Variants in TMEM236 observed in about 807,000 individuals in gnomAD.
TMEM236 encodes the protein transmembrane protein 236, also known as family with sequence similarity 23, member A.
TMEM236 carries 11 observed loss-of-function variants against 14.7 expected under a neutral mutation model. The observed-to-expected ratio is 0.75, with a 90% CI of 0.47 to 1.24. The LOEUF is 1.24. Ranked by LOEUF, TMEM236 falls within the 50% of genes most tolerant of loss-of-function variation. The pLI, the probability that TMEM236 is intolerant of heterozygous loss-of-function variation, is 0.00. For missense variants in TMEM236, 464 were observed against 427.3 expected, an observed-to-expected ratio of 1.09 and a Z score of -0.76; for synonymous variants, 182 against 168.6, an observed-to-expected ratio of 1.08 and a Z score of -0.62.
chr10:17,785,855 C>T (rs1342058219), intron 3 of TMEM236, among the ~76,000 whole-genome samples: 9 of 151,978 alleles, frequency 5.9e-5, no homozygotes, highest in East Asian at 1.9e-4. Flanking sequence ...AGTAAGTGGG[C>T]ATCTACTAGA....
intron 1 of TMEM236, 64 bp from the exon 2 acceptor site, chr10:17,771,245 A>C: frequency 6.7e-7 from 1 of 1,499,390 alleles, no homozygotes; most frequent in Non-Finnish European, 9.3e-7. Context: ...AAAATTAGCA[A>C]AATGTAAGAG....
In TMEM236 at chr10:17,793,346, A is replaced by G. The variant is rs974030874; in HGVS notation, c.473-2575A>G. On this transcript the variant is annotated intron_variant, in intron 3 of 3. Transcript: ENST00000377495. ...ATCATCTCTCAAAAGCCCAAATTATACACTGTGTTCTGAATGTTGACAAAG... is the reference window on the plus strand; with the variant it reads ...ATCATCTCTCAAAAGCCCAAATTATGCACTGTGTTCTGAATGTTGACAAAG... Among the ~76,000 whole-genome samples, 3 of 152,362 alleles carry G rather than the reference A, an allele frequency of 2.0e-5. 1 individual carries two copies. Among genetic ancestry groups the G allele is most frequent in the African/African-American group, 7.2e-5 (3 of 41,586 alleles).
At chr10:17,758,473 AACCTTATG>A (rs1837312772) in intron 1 of TMEM236, among the ~76,000 whole-genome samples, 2 of 152,212 alleles carry the variant, frequency 1.3e-5, no homozygotes, top group Non-Finnish European at 2.9e-5. Flanking sequence ...TTGACCATGA[AACCTTATG>A]TGAGTTATTT....
intron 3 of TMEM236, among the ~76,000 whole-genome samples, chr10:17,788,932 C>T (rs1837878808): frequency 6.6e-6 from 1 of 152,170 alleles, no homozygotes; most frequent in African/African-American, 2.4e-5. Context: ...CAGTTTTGAG[C>T]ACAGGCAGTA....
At position 17,752,236 on chromosome 10, in the gene TMEM236, A is replaced by C; in HGVS notation, c.-60A>C. 1 of 1,613,774 alleles carries C rather than the reference A, an allele frequency of 6.2e-7. No homozygotes were observed. The highest frequency in any genetic ancestry group is 2.2e-5 in the East Asian group (1 of 44,882). On this transcript the variant is annotated 5_prime_UTR_variant, in exon 1 of 4. Coordinates refer to ENST00000377495, the MANE Select transcript of TMEM236 (RefSeq NM_001098844.3). ...ATCCCAGTTCAGTGTCTGTGGGTCCATATGCTGCCCACAGTCAAAGAGGGA... is the reference window on the plus strand; with the variant it reads ...ATCCCAGTTCAGTGTCTGTGGGTCCCTATGCTGCCCACAGTCAAAGAGGGA...
At chr10:17,774,753 G>C (rs969096819) in intron 2 of TMEM236, among the ~76,000 whole-genome samples, 1 of 151,636 alleles carries the variant, frequency 6.6e-6, no homozygotes, top group South Asian at 2.1e-4. Context: ...GCATTGAATA[G>C]TATCATTTTT....
chr10:17,760,138 C>A (rs1287538715), intron 1 of TMEM236, among the ~76,000 whole-genome samples: 14 of 152,248 alleles, frequency 9.2e-5, no homozygotes, highest in African/African-American at 3.1e-4. Context: ...TGGAACTCAC[C>A]TTTCAGCACC....
At chr10:17,787,879 C>T (rs967687147) in intron 3 of TMEM236, among the ~76,000 whole-genome samples, 59 of 152,204 alleles carry the variant, frequency 3.9e-4, no homozygotes, top group African/African-American at 1.3e-3. Flanking sequence ...GGATTGCTAG[C>T]TCATGTCTGT....
chr10:17,756,517 A>C (rs2131739223), intron 1 of TMEM236, among the ~76,000 whole-genome samples: 1 of 152,282 alleles, frequency 6.6e-6, no homozygotes, highest in African/African-American at 2.4e-5. Flanking sequence ...GCTGGTCTCG[A>C]ACTCCTGACC....
intron 3 of TMEM236, 65 bp from the exon 4 acceptor site, chr10:17,795,856 A>G (rs1838003025): frequency 6.7e-7 from 1 of 1,492,866 alleles, no homozygotes; most frequent in African/African-American, 1.4e-5. Context: ...TTAAATTTGA[A>G]TAACATTTGA....
chr10:17,757,838 C>T (rs889697067), intron 1 of TMEM236, among the ~76,000 whole-genome samples: 12 of 151,960 alleles, frequency 7.9e-5, no homozygotes, highest in South Asian at 6.3e-4. Context: ...GCATGATATC[C>T]GCTCACTGCA....
At chr10:17,778,036 G>C (rs1419542662) in intron 3 of TMEM236, among the ~76,000 whole-genome samples, 1 of 152,200 alleles carries the variant, frequency 6.6e-6, no homozygotes, top group Non-Finnish European at 1.5e-5. Flanking sequence ...ACCGTGGCTG[G>C]CCATTAGTTG....
At chr10:17,771,908 CT>C (rs199698310) in intron 2 of TMEM236, among the ~76,000 whole-genome samples, 24,882 of 152,106 alleles carry the variant, frequency 0.16, 2,123 homozygotes, top group Non-Finnish European at 0.19. Context: ...AACTTTCAGG[CT>C]TGTAAGTACT....
At chr10:17,760,092 G>C (rs1177910215) in intron 1 of TMEM236, among the ~76,000 whole-genome samples, 1 of 149,902 alleles carries the variant, frequency 6.7e-6, no homozygotes, top group Non-Finnish European at 1.5e-5. Context: ...AGTGACATCT[G>C]TGCACTGCTG....
rs1838054739 is a variant in TMEM236 at position 17,798,823 on chromosome 10, T to C, written c.*2319T>C. 1 of 395,962 alleles carries C rather than the reference T, an allele frequency of 2.5e-6. No individual in the cohort carries two copies. Among genetic ancestry groups the C allele is most frequent in the South Asian group, 2.0e-5 (1 of 51,264 alleles). The allele number at this position is 395,962 out of a possible 1,614,324, so 24.5% of individuals were successfully genotyped here. On this transcript the variant is annotated 3_prime_UTR_variant, in exon 4 of 4. Transcript: ENST00000377495. Reference sequence around the variant, plus strand: ...TAAAGAGTCCTTTGAGCACATTTTCTGGCAAACCATAATAACTTGATAAAT... The same window carrying C: ...TAAAGAGTCCTTTGAGCACATTTTCCGGCAAACCATAATAACTTGATAAAT...
intron 1 of TMEM236, among the ~76,000 whole-genome samples, chr10:17,758,772 C>T (rs1377660863): frequency 3.3e-5 from 5 of 152,090 alleles, no homozygotes; most frequent in African/African-American, 4.8e-5. Flanking sequence ...TAATATTCCT[C>T]GATTTTGGAG....
At chr10:17,792,412 GT>G (rs1258793374) in intron 3 of TMEM236, among the ~76,000 whole-genome samples, 3 of 152,154 alleles carry the variant, frequency 2.0e-5, no homozygotes, top group African/African-American at 7.2e-5. Context: ...ATAACATATT[GT>G]TTTCCTGTTC....
intron 3 of TMEM236, among the ~76,000 whole-genome samples, chr10:17,784,049 T>G (rs2131760046): frequency 6.6e-6 from 1 of 152,332 alleles, no homozygotes; most frequent in Non-Finnish European, 1.5e-5. Flanking sequence ...ATTTGCCTTT[T>G]AATTTTACTA....
chr10:17,776,375 A>G (rs1167613843), intron 3 of TMEM236, among the ~76,000 whole-genome samples: 1 of 152,224 alleles, frequency 6.6e-6, no homozygotes, highest in Non-Finnish European at 1.5e-5. Flanking sequence ...TGCTATTCGC[A>G]TTTTAGTAGT....
Sources: gnomAD v4.1 joint callset for allele counts (sites outside exome capture counted in the v4.1 genomes callset) on GRCh38, gnomAD v4.1.1 for gene constraint, MANE v1.5 for transcripts, NCBI Gene and HGNC (gene_info 2026-07-23, HGNC 2026-07-21) for gene names.